Variants in DCC observed in about 807,000 individuals in gnomAD.
DCC encodes netrin receptor DCC.
A neutral mutation model predicts 172.5 loss-of-function variants in DCC; 58 were observed. The ratio of observed to expected loss-of-function variants is 0.34; its 90% CI spans 0.27 to 0.42. The LOEUF is 0.42. DCC is among the 10% of genes least tolerant of loss of function. The pLI is 1.00. For synonymous variants in DCC, 709 were observed against 644.5 expected, an observed-to-expected ratio of 1.10 and a Z score of -1.52; for missense variants, 1,740 against 1,791.0, an observed-to-expected ratio of 0.97 and a Z score of 0.51.
At chr18:53,501,124 T>A (rs1277307031) in intron 27 of DCC, among the ~76,000 whole-genome samples, 1 of 152,236 alleles carries the variant, frequency 6.6e-6, no homozygotes, top group South Asian at 2.1e-4. Context: ...GTATTCAAGA[T>A]AGTTGACAGC....
Position 53,516,685 on chromosome 18 carries a change from A to G in DCC, c.4112-9932A>G, listed in dbSNP as rs868456231. Among the ~76,000 whole-genome samples, 220 of 150,580 alleles carry G rather than the reference A, an allele frequency of 1.5e-3. 1 individual carries two copies. Among genetic ancestry groups the G allele is most frequent in the Non-Finnish European group, 1.7e-3 (118 of 68,046 alleles). ...AAGAACACATTTATGCAGCCAAAAAACACATGAAAAAATGCTTATCATCAC... is the reference window on the plus strand; with the variant it reads ...AAGAACACATTTATGCAGCCAAAAAGCACATGAAAAAATGCTTATCATCAC... On this transcript the variant is annotated intron_variant, in intron 27 of 28. Transcript: ENST00000442544.
intron 1 of DCC, among the ~76,000 whole-genome samples, chr18:52,458,758 A>G (rs1052786213): frequency 6.6e-6 from 1 of 152,224 alleles, no homozygotes; most frequent in Admixed American, 6.5e-5. Context: ...TTGCTGTAAC[A>G]GGCATTGTGC....
intron 1 of DCC, among the ~76,000 whole-genome samples, chr18:52,652,737 T>TGTGTGTGTGTGTGG (rs971665914): frequency 2.6e-5 from 4 of 151,712 alleles, no homozygotes; most frequent in South Asian, 2.1e-4. Flanking sequence ...TGTGTGTGTG[T>TGTGTGTGTGTGTGG]GTGGGTGGAG....
At chr18:52,390,895 T>C (rs1986005582) in intron 1 of DCC, among the ~76,000 whole-genome samples, 1 of 152,150 alleles carries the variant, frequency 6.6e-6, no homozygotes. Context: ...ACATTGAGTG[T>C]ATTAGCACTT....
At chr18:53,286,401 C>T (rs1468639133) in intron 12 of DCC, among the ~76,000 whole-genome samples, 1 of 152,136 alleles carries the variant, frequency 6.6e-6, no homozygotes, top group African/African-American at 2.4e-5. Context: ...CACAAGCTCT[C>T]TTCTCTTGTT....
At chr18:53,184,785 A>C (rs751136311) in intron 9 of DCC, among the ~76,000 whole-genome samples, 4 of 152,136 alleles carry the variant, frequency 2.6e-5, no homozygotes, top group Non-Finnish European at 4.4e-5. Flanking sequence ...CTTGGCTGTC[A>C]TTGGTTGGTT....
intron 1 of DCC, among the ~76,000 whole-genome samples, chr18:52,748,588 T>A (rs963621522): frequency 2.0e-5 from 3 of 152,330 alleles, no homozygotes; most frequent in Admixed American, 1.3e-4. Context: ...CACTGCAGCT[T>A]CTTGTCGTCT....
chr18:53,288,378 G>A (rs529117032), intron 12 of DCC, among the ~76,000 whole-genome samples: 1 of 152,124 alleles, frequency 6.6e-6, no homozygotes, highest in African/African-American at 2.4e-5. Context: ...CCAGGAAAAT[G>A]GCAAGTTAGT....
chr18:53,302,426 T>G (rs1185850147), intron 12 of DCC, among the ~76,000 whole-genome samples: 1 of 152,212 alleles, frequency 6.6e-6, no homozygotes, highest in African/African-American at 2.4e-5. Context: ...TTTTGCCTAT[T>G]CTTTAACTTC....
chr18:52,836,926 G>A (rs2038717013), intron 2 of DCC, among the ~76,000 whole-genome samples: 1 of 152,196 alleles, frequency 6.6e-6, no homozygotes, highest in Admixed American at 6.5e-5. Flanking sequence ...TGAACATCCA[G>A]GTGTCTCCAT....
intron 28 of DCC, among the ~76,000 whole-genome samples, chr18:53,529,207 T>TCATACATTAATAC (rs2046498273): frequency 6.6e-6 from 1 of 152,136 alleles, no homozygotes; most frequent in Non-Finnish European, 1.5e-5. Flanking sequence ...TATAGGAAGC[T>TCATACATTAATAC]CATACATTAA....
chr18:52,758,164 T>A (rs922949817), intron 2 of DCC, among the ~76,000 whole-genome samples: 1 of 152,222 alleles, frequency 6.6e-6, no homozygotes, highest in Non-Finnish European at 1.5e-5. Flanking sequence ...ATCATAGCTA[T>A]ACATTCAATA....
intron 5 of DCC, among the ~76,000 whole-genome samples, chr18:52,988,319 A>G (rs1295488565): frequency 6.6e-6 from 1 of 152,176 alleles, no homozygotes; most frequent in Non-Finnish European, 1.5e-5. Flanking sequence ...AACAGAGATA[A>G]AACAAAGTCC....
chr18:53,113,320 T>C (rs1047957762), intron 7 of DCC, among the ~76,000 whole-genome samples: 11 of 151,494 alleles, frequency 7.3e-5, no homozygotes, highest in African/African-American at 2.7e-4. Context: ...TTGGATATAA[T>C]TTATTAATTC....
At chr18:53,101,298 T>C (rs2043169176) in intron 7 of DCC, among the ~76,000 whole-genome samples, 2 of 151,936 alleles carry the variant, frequency 1.3e-5, no homozygotes, top group South Asian at 4.2e-4. Flanking sequence ...GTTCACAATG[T>C]TAAAGTTGTG....
At chr18:52,775,141 C>G (rs1436050959) in intron 2 of DCC, among the ~76,000 whole-genome samples, 1 of 151,858 alleles carries the variant, frequency 6.6e-6, no homozygotes, top group Non-Finnish European at 1.5e-5. Context: ...GGGTGAGGCC[C>G]CAGTTGAAAC....
At chr18:53,375,161 TG>T (rs1220113490) in intron 15 of DCC, among the ~76,000 whole-genome samples, 1 of 152,212 alleles carries the variant, frequency 6.6e-6, no homozygotes, top group Non-Finnish European at 1.5e-5. Flanking sequence ...TGACATCTGG[TG>T]CAGGAAGTGC....
intron 12 of DCC, among the ~76,000 whole-genome samples, chr18:53,294,005 GCTCCTAC>G (rs2057036476): frequency 6.6e-6 from 1 of 152,080 alleles, no homozygotes; most frequent in African/African-American, 2.4e-5. Flanking sequence ...AGTCTCCTGT[GCTCCTAC>G]AATGAAGCGG....
chr18:53,273,990 A>C (rs2056777378), intron 12 of DCC, among the ~76,000 whole-genome samples: 1 of 152,242 alleles, frequency 6.6e-6, no homozygotes, highest in Middle Eastern at 3.4e-3. Flanking sequence ...TTAATTAAGC[A>C]GTGTGGAAAA....
Sources: gnomAD v4.1 joint callset for allele counts (sites outside exome capture counted in the v4.1 genomes callset) on GRCh38, gnomAD v4.1.1 for gene constraint, MANE v1.5 for transcripts, NCBI Gene and HGNC (gene_info 2026-07-23, HGNC 2026-07-21) for gene names.